The following PIK3CD variants were observed in gnomAD, a reference collection of about 807,000 sequenced individuals.
PIK3CD encodes the protein phosphatidylinositol 4,5-bisphosphate 3-kinase catalytic subunit delta isoform.
A neutral mutation model predicts 122.9 loss-of-function variants in PIK3CD; 20 were observed. The observed-to-expected ratio is 0.16, with a 90% CI of 0.11 to 0.24. The LOEUF is 0.24. Among genes scored for constraint, PIK3CD ranks in the 10% least tolerant of loss-of-function variants. The pLI, the probability that PIK3CD is intolerant of heterozygous loss-of-function variation, is 1.00. For missense variants in PIK3CD, 787 were observed against 1,406.3 expected, an observed-to-expected ratio of 0.56 and a Z score of 7.04; for synonymous variants, 596 against 593.4, an observed-to-expected ratio of 1.00 and a Z score of -0.06.
Position 9,718,260 on chromosome 1 carries a change from C to A in PIK3CD, c.1021-434C>A, listed in dbSNP as rs539631080. On this transcript the variant is annotated intron_variant, in intron 8 of 23. Transcript: ENST00000377346. This position sits in a 1 kb window ranked among gnomAD's most constrained non-coding sequence, Gnocchi z 7.2. ...ATCGAGGGGGACTGGATCAGAGGGA[C>A]TTCCAGGGTGGTGGTGTCAGGTGGA... 2.1e-6 allele frequency: 1 copy of A among 467,228 alleles called. No homozygotes were observed. The highest frequency in any genetic ancestry group is 6.4e-5 in the East Asian group (1 of 15,544). The allele number at this position is 467,228 out of a possible 1,614,324, so 28.9% of individuals were successfully genotyped here. A position where few individuals can be genotyped will look rare whatever the true frequency, so the allele number is the denominator to read the frequency against.
chr1:9,664,124 C>T (rs1483352909), intron 1 of PIK3CD, among the ~76,000 whole-genome samples: 2 of 145,748 alleles, frequency 1.4e-5, no homozygotes, highest in South Asian at 2.2e-4. Context: ...TCTCAGCTCA[C>T]TGCAACCTCC....
chr1:9,668,469 C>T (rs1460687627), intron 1 of PIK3CD, among the ~76,000 whole-genome samples: 1 of 144,898 alleles, frequency 6.9e-6, no homozygotes, highest in Non-Finnish European at 1.5e-5. Context: ...TTGGCAAATA[C>T]TTTATTTTTA....
In PIK3CD at chr1:9,720,861, C is replaced by G. The variant is rs1404901928; in HGVS notation, c.1641C>G (p.Ala547=). The G allele has an allele frequency of 2.5e-6, 4 of 1,608,972 alleles. No individual in the cohort carries two copies. Among genetic ancestry groups the G allele is most frequent in the Admixed American group, 3.4e-5 (2 of 59,316 alleles). ...EVQEHFPEAL[A]RLLLVTKWNK... is the part of the protein sequence containing the mutation. ...AGGAGCACTTCCCGGAGGCGCTAGC[C>G]CGGCTGCTGCTGGTCACCAAGTGGA... Residue 547 remains alanine (A), a synonymous_variant, in exon 13 of 24, where the codon GCC becomes GCG. Coordinates refer to ENST00000377346, the MANE Select transcript of PIK3CD (RefSeq NM_005026.5). The surrounding 1 kb of genome is among the most constrained non-coding windows in gnomAD (Gnocchi z 9.0).
intron 1 of PIK3CD, chr1:9,653,806 A>G: frequency 1.5e-6 from 2 of 1,367,454 alleles, no homozygotes; most frequent in South Asian, 1.1e-5. Context: ...GATTCCAGCC[A>G]TCTTGGCTGG....
chr1:9,664,811 T>G (rs1438170386), intron 1 of PIK3CD, among the ~76,000 whole-genome samples: 1 of 152,150 alleles, frequency 6.6e-6, no homozygotes, highest in African/African-American at 2.4e-5. Context: ...TATAAATGAT[T>G]TCTGTTTTAT....
At chr1:9,674,322 C>G (rs934554356) in intron 1 of PIK3CD, among the ~76,000 whole-genome samples, 9 of 152,134 alleles carry the variant, frequency 5.9e-5, no homozygotes, top group African/African-American at 2.2e-4. Context: ...GTTTCTGTAT[C>G]TAATAACAAC....
At chr1:9,659,397 T>C (rs1469781241) in intron 1 of PIK3CD, among the ~76,000 whole-genome samples, 1 of 152,214 alleles carries the variant, frequency 6.6e-6, no homozygotes, top group Non-Finnish European at 1.5e-5. Context: ...AAAATATACA[T>C]AACATAAAAT....
chr1:9,687,887 C>G, intron 1 of PIK3CD, among the ~76,000 whole-genome samples: 1 of 141,962 alleles, frequency 7.0e-6, no homozygotes, highest in South Asian at 2.6e-4. Flanking sequence ...GTCTTCTCAT[C>G]CTGGACTCCC....
the PIK3CD span, among the ~76,000 whole-genome samples, chr1:9,644,827 C>T: frequency 3.9e-5 from 6 of 152,126 alleles, no homozygotes; most frequent in African/African-American, 1.2e-4. Flanking sequence ...TGGGGCCTTC[C>T]GCTCCTTTCT....
At chr1:9,673,241 A>T (rs1313652845) in intron 1 of PIK3CD, among the ~76,000 whole-genome samples, 1 of 151,328 alleles carries the variant, frequency 6.6e-6, no homozygotes, top group East Asian at 1.9e-4. Context: ...CAGGGATCAC[A>T]CACACCTGGC....
upstream of PIK3CD, among the ~76,000 whole-genome samples, chr1:9,650,640 AAG>A (rs1644654471): frequency 6.6e-6 from 1 of 151,986 alleles, no homozygotes; most frequent in Non-Finnish European, 1.5e-5. Context: ...GAAAAGAAAA[AAG>A]AAAAAGAAAG....
the PIK3CD span, among the ~76,000 whole-genome samples, chr1:9,638,888 G>T: frequency 6.7e-6 from 1 of 148,810 alleles, no homozygotes; most frequent in Non-Finnish European, 1.5e-5. Context: ...TGATCCTCCC[G>T]CCTCAGCCTC....
chr1:9,684,747 G>A (rs1253270429), intron 1 of PIK3CD, among the ~76,000 whole-genome samples: 3 of 150,506 alleles, frequency 2.0e-5, no homozygotes, highest in South Asian at 2.1e-4. Context: ...TCAGCTACTC[G>A]GGAGGCTGAG....
At chr1:9,679,019 G>A (rs1422330286) in intron 1 of PIK3CD, among the ~76,000 whole-genome samples, 2 of 151,782 alleles carry the variant, frequency 1.3e-5, no homozygotes, top group African/African-American at 4.8e-5. Flanking sequence ...GCATGCCTGC[G>A]AGAGCTGGGT....
rs374998866 is a variant in PIK3CD at position 9,710,001 on chromosome 1, G to A, written c.-32-423G>A. ...AGCCTGGGTGACAGAGCAAGACTCC[G>A]GCTCAAAAAAAAAAAAAGAATGTAT... On this transcript the variant is annotated intron_variant, in intron 2 of 23. Coordinates refer to ENST00000377346, the MANE Select transcript of PIK3CD (RefSeq NM_005026.5). This position sits in a 1 kb window ranked among gnomAD's most constrained non-coding sequence, Gnocchi z 4.7. 5.4e-4 allele frequency among the ~76,000 whole-genome samples: 82 copies of A among 151,242 alleles called. No homozygotes were observed. The highest frequency in any genetic ancestry group is 1.7e-3 in the African/African-American group (71 of 41,014).
chr1:9,667,909 T>A (rs7553361), intron 1 of PIK3CD, among the ~76,000 whole-genome samples: 4 of 110,832 alleles, frequency 3.6e-5, no homozygotes, highest in Non-Finnish European at 7.0e-5. Context: ...CTAATTTTTG[T>A]TTTTTTTTTT....
At position 9,718,807 on chromosome 1, in the gene PIK3CD, C is replaced by T; in HGVS notation, c.1134C>T (p.Asp378=). ...EPVWKQRLEF[D]INICDLPRMA... ...TGTGGAAGCAGCGGCTGGAGTTCGA[C>T]ATCAACATCTGCGACCTGCCCCGCA... The change falls in exon 9 of 24, where the codon GAC becomes GAT. Residue 378 remains aspartate (D), a synonymous_variant. Coordinates refer to ENST00000377346, the MANE Select transcript of PIK3CD (RefSeq NM_005026.5). This position sits in a 1 kb window ranked among gnomAD's most constrained non-coding sequence, Gnocchi z 7.2. 1.2e-6 allele frequency: 2 copies of T among 1,612,318 alleles called. No homozygotes were observed. Among genetic ancestry groups the T allele is most frequent in the Non-Finnish European group, 1.7e-6 (2 of 1,179,966 alleles).
In PIK3CD at chr1:9,689,811, T is replaced by G. The variant is rs1317188728; in HGVS notation, c.-137-1656T>G. ...GTCCCACCCCGCCCAGCCCCGGGCTTTGTCCGCCTGGGGCGGGGTGGGCAG... is the reference window on the plus strand; with the variant it reads ...GTCCCACCCCGCCCAGCCCCGGGCTGTGTCCGCCTGGGGCGGGGTGGGCAG... On this transcript the variant is annotated intron_variant, in intron 1 of 23. Transcript: ENST00000377346. This position sits in a 1 kb window ranked among gnomAD's most constrained non-coding sequence, Gnocchi z 6.1. Among the ~76,000 whole-genome samples, 4 of 150,874 alleles carry G rather than the reference T, an allele frequency of 2.7e-5. No individual in the cohort carries two copies. The highest frequency in any genetic ancestry group is 5.9e-5 in the Non-Finnish European group (4 of 67,472).
Position 9,718,233 on chromosome 1 carries a change from G to C in PIK3CD, c.1021-461G>C. 2.1e-6 allele frequency: 1 copy of C among 468,956 alleles called. No homozygotes were observed. Among genetic ancestry groups the C allele is most frequent in the South Asian group, 1.5e-5 (1 of 64,584 alleles). 29.0% of individuals were successfully genotyped at this position (468,956 alleles called of 1,614,324 possible). A position where few individuals can be genotyped will look rare whatever the true frequency, so the allele number is the denominator to read the frequency against. ...GGGCAGGTCTGGGTTCCACTGGCAGGAATCGAGGGGGACTGGATCAGAGGG... is the reference window on the plus strand; with the variant it reads ...GGGCAGGTCTGGGTTCCACTGGCAGCAATCGAGGGGGACTGGATCAGAGGG... On this transcript the variant is annotated intron_variant, in intron 8 of 23. Coordinates refer to ENST00000377346, the MANE Select transcript of PIK3CD (RefSeq NM_005026.5). This position sits in a 1 kb window ranked among gnomAD's most constrained non-coding sequence, Gnocchi z 7.2.
Sources: allele counts gnomAD v4.1 joint callset (sites outside exome capture counted in the v4.1 genomes callset), GRCh38; gene constraint gnomAD v4.1.1; non-coding constraint Gnocchi (gnomAD v3.1); transcripts MANE v1.5; gene names NCBI Gene and HGNC (gene_info 2026-07-23, HGNC 2026-07-21).